The following ARFGEF1 variants were observed in gnomAD, a reference collection of about 807,000 sequenced individuals.
ARFGEF1 encodes brefeldin A-inhibited guanine nucleotide-exchange protein 1.
In ARFGEF1, 42 loss-of-function variants were observed where a neutral mutation model predicts 231.0. The observed-to-expected ratio is 0.18, with a 90% CI of 0.14 to 0.24. The LOEUF (loss-of-function observed/expected upper bound fraction) is 0.24. Ranked by LOEUF, ARFGEF1 falls within the 10% of genes least tolerant of loss-of-function variation. The pLI, the probability that ARFGEF1 is intolerant of heterozygous loss-of-function variation, is 1.00. For missense variants in ARFGEF1, 1,345 were observed against 2,192.0 expected, an observed-to-expected ratio of 0.61 and a Z score of 7.72; for synonymous variants, 710 against 732.3, an observed-to-expected ratio of 0.97 and a Z score of 0.49.
rs1838153769 is a variant in ARFGEF1, at chr8:67,198,002, CAAAAG to C, written c.*927_*931del. 5.1e-6 allele frequency: 5 copies of C among 985,742 alleles called. No homozygotes were observed. Among genetic ancestry groups the C allele is most frequent in the African/African-American group, 1.7e-5 (1 of 57,322 alleles). The allele number at this position is 985,742 out of a possible 1,614,324, so 61.1% of individuals were successfully genotyped here. A position where few individuals can be genotyped will look rare whatever the true frequency, so the allele number is the denominator to read the frequency against. On this transcript the variant is annotated 3_prime_UTR_variant, in exon 39 of 39. Transcript: ENST00000262215. ...AAAATCTACATCAAGCCCCACCACC[CAAAAG>C]AAAAGAAAATGACAGCAATCTGGAT...
Position 67,287,964 on chromosome 8 carries a change from C to T in ARFGEF1, c.1018G>A (p.Val340Ile), listed in dbSNP as rs1415717120. 6.3e-7 allele frequency: 1 copy of T among 1,581,836 alleles called. No individual in the cohort carries two copies. ...QNIVEEMVNI[V>I]VGDMGEGTTI... ...GAATGAAGTATACTACCTCCAACAACAATGTTCACCATTTCTTCTACAATG... is the reference window on the plus strand; with the variant it reads ...GAATGAAGTATACTACCTCCAACAATAATGTTCACCATTTCTTCTACAATG... Residue 340 changes from valine (V) to isoleucine (I), a missense_variant, in exon 7 of 39, where the codon GTT becomes ATT. Val to Ile is a conservative substitution (Grantham distance 29, BLOSUM62 3). Transcript: ENST00000262215.
intron 19 of ARFGEF1, among the ~76,000 whole-genome samples, chr8:67,244,236 C>G (rs1464832691): frequency 9.7e-6 from 1 of 103,582 alleles, no homozygotes; most frequent in Non-Finnish European, 1.8e-5. Flanking sequence ...AAGCGAGACT[C>G]CACCTCAAAA....
chr8:67,222,192 T>TATACACACAC (rs1554636818), intron 29 of ARFGEF1, among the ~76,000 whole-genome samples: 2 of 139,230 alleles, frequency 1.4e-5, no homozygotes, highest in South Asian at 2.2e-4. Context: ...CATATATATA[T>TATACACACAC]ATATATATAT....
intron 18 of ARFGEF1, among the ~76,000 whole-genome samples, chr8:67,252,245 A>G (rs56858183): frequency 0.13 from 18,139 of 140,574 alleles, 2,215 homozygotes; most frequent in African/African-American, 0.33. Flanking sequence ...CCAAGATCGC[A>G]CCATTGCACT....
At chr8:67,181,653 A>G (rs1833079004) in intron 5 of ARFGEF1, among the ~76,000 whole-genome samples, 1 of 152,226 alleles carries the variant, frequency 6.6e-6, no homozygotes, top group Non-Finnish European at 1.5e-5. Context: ...ATTATTTTAA[A>G]AAATAGGGTT....
At chr8:67,282,439 T>C (rs1805572693) in intron 7 of ARFGEF1, among the ~76,000 whole-genome samples, 1 of 152,166 alleles carries the variant, frequency 6.6e-6, no homozygotes, top group Non-Finnish European at 1.5e-5. Context: ...AAAGGTATCT[T>C]AGTGTATTTT....
At position 67,253,586 on chromosome 8, in the gene ARFGEF1, T is replaced by C; in HGVS notation, c.2563A>G (p.Met855Val). 6.4e-7 allele frequency: 1 copy of C among 1,561,732 alleles called. No homozygotes were observed. Among genetic ancestry groups the C allele is most frequent in the Non-Finnish European group, 8.7e-7 (1 of 1,143,736 alleles). Residue 855 changes from methionine (M) to valine (V), a missense_variant, in exon 18 of 39, where the codon ATG becomes GTG. Physicochemically the swap from Met to Val is conservative, Grantham distance 21. Around this residue, in one of 14 missense-constraint regions of ARFGEF1, gnomAD observed 58 missense variants for 133.6 expected, o/e 0.43. Coordinates refer to ENST00000262215, the MANE Select transcript of ARFGEF1 (RefSeq NM_006421.5). ...NKMTKEQYIK[M>V]NRGINDSKDL... The stretch of plus-strand genomic sequence containing the variant: ...TTACTGTCATTGATACCTCTATTCA[T>C]CTTAATGTATTGTTCCTTTGTCATT...
chr8:67,271,025 C>CAAAAAAAAAAAAAAAAAAAAAA (rs36063944), intron 10 of ARFGEF1, among the ~76,000 whole-genome samples: 2 of 36,104 alleles, frequency 5.5e-5, no homozygotes, highest in Non-Finnish European at 5.1e-5. Flanking sequence ...ACTCCATCTC[C>CAAAAAAAAAAAAAAAAAAAAAA]AAAAAAAAAA....
At chr8:67,339,101 A>C (rs1808480462) in intron 1 of ARFGEF1, among the ~76,000 whole-genome samples, 1 of 152,234 alleles carries the variant, frequency 6.6e-6, no homozygotes, top group African/African-American at 2.4e-5. Flanking sequence ...GGATGAAACT[A>C]TAATTACAGG....
chr8:67,261,170 G>A (rs543303924), intron 14 of ARFGEF1, among the ~76,000 whole-genome samples: 18 of 152,290 alleles, frequency 1.2e-4, no homozygotes, highest in African/African-American at 4.1e-4. Flanking sequence ...ATGTAGCTAC[G>A]ATCATTTATG....
At chr8:67,282,809 C>T (rs957638646) in intron 7 of ARFGEF1, among the ~76,000 whole-genome samples, 1 of 149,282 alleles carries the variant, frequency 6.7e-6, no homozygotes, top group Non-Finnish European at 1.5e-5. Flanking sequence ...GATCTTGCCA[C>T]TGCACTCCAG....
intron 1 of ARFGEF1, among the ~76,000 whole-genome samples, chr8:67,326,931 G>A (rs896518379): frequency 3.3e-5 from 5 of 152,184 alleles, no homozygotes; most frequent in Admixed American, 2.0e-4. Context: ...GAAAGGTCTT[G>A]ACTTGAAGAA....
At chr8:67,176,222 T>C (rs962761477) in intron 5 of ARFGEF1, among the ~76,000 whole-genome samples, 1 of 152,022 alleles carries the variant, frequency 6.6e-6, no homozygotes, top group East Asian at 1.9e-4. Flanking sequence ...AGGTTAACCA[T>C]GGAAAATGAG....
chr8:67,262,842 G>T (rs1286754276), intron 14 of ARFGEF1, among the ~76,000 whole-genome samples: 1 of 152,108 alleles, frequency 6.6e-6, no homozygotes, highest in Non-Finnish European at 1.5e-5. Flanking sequence ...ACATAAGGGG[G>T]TTATAGGTTA....
At position 67,257,656 on chromosome 8, in the gene ARFGEF1, C is replaced by A. The variant is rs1840504244; in HGVS notation, c.2526+76G>T. 2.5e-6 allele frequency: 3 copies of A among 1,182,154 alleles called. No individual in the cohort carries two copies. In the South Asian group the frequency reaches 4.1e-5, roughly 16 times the overall value. 73.2% of individuals were successfully genotyped at this position (1,182,154 alleles called of 1,614,324 possible). ...TAACTGAATAAAACTAAAATTTCAACTATTACTTACTGAATTCAGAATAAT... is the reference window on the plus strand; with the variant it reads ...TAACTGAATAAAACTAAAATTTCAAATATTACTTACTGAATTCAGAATAAT... On this transcript the variant is annotated intron_variant, in intron 17 of 38. Coordinates refer to ENST00000262215, the MANE Select transcript of ARFGEF1 (RefSeq NM_006421.5).
intron 37 of ARFGEF1, among the ~76,000 whole-genome samples, chr8:67,200,838 G>A (rs73693135): frequency 0.1 from 15,924 of 152,156 alleles, 1,453 homozygotes; most frequent in African/African-American, 0.25. Context: ...AATCTGAGGC[G>A]ACTCCTCTCT....
At position 67,227,279 on chromosome 8, in the gene ARFGEF1, C is replaced by T; in HGVS notation, c.3774G>A (p.Arg1258=). 1 of 1,612,778 alleles carries T rather than the reference C, an allele frequency of 6.2e-7. No homozygotes were observed. Among genetic ancestry groups the T allele is most frequent in the South Asian group, 1.1e-5 (1 of 90,958 alleles). Residue 1258 remains arginine, a synonymous_variant, in exon 27 of 39, where the codon CGG becomes CGA. Coordinates refer to ENST00000262215, the MANE Select transcript of ARFGEF1 (RefSeq NM_006421.5). The stretch of plus-strand genomic sequence containing the variant: ...GAGAATTAACCATCTGTGCTATACA[C>T]CGTACAACCATATCTCGAATTGTTG... The part of the protein sequence containing the change: ...RSPTIRDMVV[R]CIAQMVNSQA...
downstream of ARFGEF1, chr8:67,195,432 G>C (rs752140903): frequency 3.1e-6 from 5 of 1,614,188 alleles, no homozygotes; most frequent in Admixed American, 8.3e-5. Context: ...ACACATAGGG[G>C]ATGACGGATC....
At chr8:67,297,808 T>C (rs1391423352) in intron 4 of ARFGEF1, among the ~76,000 whole-genome samples, 1 of 151,854 alleles carries the variant, frequency 6.6e-6, no homozygotes, top group Non-Finnish European at 1.5e-5. Context: ...CCGTTTTTTT[T>C]TTTTTTCTTT....
Sources: gnomAD v4.1 joint callset for allele counts (sites outside exome capture counted in the v4.1 genomes callset) on GRCh38, gnomAD v4.1.1 for gene constraint, gnomAD v4.1.1 regional missense constraint, MANE v1.5 for transcripts, NCBI Gene and HGNC (gene_info 2026-07-23, HGNC 2026-07-21) for gene names.